SHLD2: variants seen among roughly 807,000 people sequenced by gnomAD.
The protein encoded by SHLD2 is shieldin complex subunit 2.
In SHLD2, 30 loss-of-function variants were observed where a neutral mutation model predicts 73.2. The observed-to-expected ratio is 0.41, with a 90% CI of 0.31 to 0.56. SHLD2 has a LOEUF of 0.56. SHLD2 is among the 20% of genes least tolerant of loss of function. SHLD2 has a pLI of 0.28. For missense variants in SHLD2, 745 were observed against 1,055.9 expected (o/e 0.71, Z 4.08); for synonymous variants, 285 against 370.1 (o/e 0.77, Z 2.64).
At chr10:87,120,903 A>C (rs1211007348) in intron 2 of SHLD2, among the ~76,000 whole-genome samples, 1 of 151,884 alleles carries the variant, frequency 6.6e-6, no homozygotes, top group Non-Finnish European at 1.5e-5. Context: ...ATACAAAATT[A>C]GCTGGGTGTG....
At chr10:87,175,104 G>A (rs1276336524) in intron 6 of SHLD2, among the ~76,000 whole-genome samples, 9 of 129,570 alleles carry the variant, frequency 6.9e-5, no homozygotes, top group South Asian at 5.4e-4. Context: ...GCAACAGAGC[G>A]AGACTCCATC....
chr10:87,096,879 C>T (rs1006630889), intron 1 of SHLD2, 55 bp from the exon 2 acceptor site: 9 of 152,112 alleles, frequency 5.9e-5, no homozygotes, highest in Non-Finnish European at 1.2e-4. Flanking sequence ...TTATATTTTA[C>T]CTTACTTGCT....
Position 87,151,481 on chromosome 10 carries a change from T to C in SHLD2, c.127T>C (p.Tyr43His). 2.5e-6 allele frequency: 4 copies of C among 1,611,032 alleles called. No individual in the cohort carries two copies. The highest frequency in any genetic ancestry group is 2.2e-5 in the South Asian group (2 of 90,800). ...CCCCTGGAAAAAAATTCAGCTTTTA[T>C]ACAGTCAACATTCTTTATATCTGAA... ...ADPWKKIQLL[Y>H]SQHSLYLKDE... Residue 43 changes from tyrosine (Y) to histidine (H), a missense_variant, in exon 3 of 10, where the codon TAC becomes CAC. Tyr to His is a moderately conservative substitution (Grantham distance 83). Transcript: ENST00000298786.
At chr10:87,179,604 TGTTAGCCAG>T (rs1443124220) in intron 7 of SHLD2, among the ~76,000 whole-genome samples, 1 of 152,194 alleles carries the variant, frequency 6.6e-6, no homozygotes, top group Non-Finnish European at 1.5e-5. Flanking sequence ...GGTTTCACCA[TGTTAGCCAG>T]GATGGTCTCG....
chr10:87,148,111 G>A (rs1222471248), intron 2 of SHLD2, among the ~76,000 whole-genome samples: 1 of 152,082 alleles, frequency 6.6e-6, no homozygotes, highest in South Asian at 2.1e-4. Context: ...TCAGCCTCCC[G>A]AAGTTCTGGG....
intron 2 of SHLD2, among the ~76,000 whole-genome samples, chr10:87,097,722 A>G (rs1157080048): frequency 6.6e-6 from 1 of 152,124 alleles, no homozygotes; most frequent in Non-Finnish European, 1.5e-5. Flanking sequence ...TGAGTACCCT[A>G]TAAAACAGAT....
Position 87,152,614 on chromosome 10 carries a change from G to T in SHLD2, c.1260G>T (p.Val420=). The T allele has an allele frequency of 6.2e-7, 1 of 1,608,092 alleles. No homozygotes were observed. Among genetic ancestry groups the T allele is most frequent in the Non-Finnish European group, 8.5e-7 (1 of 1,178,958 alleles). ...CTGTAGAAATGGATCGGAGAAATGT[G>T]TCTGAATTTAAGAGTATTAAAAAAA... is the stretch of plus-strand genomic sequence containing the variant. The part of the protein sequence containing the change: ...DSAVEMDRRN[V]SEFKSIKKTS... Residue 420 remains valine, a synonymous_variant, in exon 3 of 10, where the codon GTG becomes GTT. Transcript: ENST00000298786.
At chr10:87,139,729 G>A (rs1013952959) in intron 2 of SHLD2, among the ~76,000 whole-genome samples, 9 of 152,136 alleles carry the variant, frequency 5.9e-5, no homozygotes, top group Non-Finnish European at 1.3e-4. Context: ...GGAGGCTGAG[G>A]CACGAGAATT....
At chr10:87,115,586 G>C (rs1430979112) in intron 2 of SHLD2, 1 of 151,948 alleles carries the variant, frequency 6.6e-6, no homozygotes, top group East Asian at 1.9e-4. Context: ...GGTTGTCATG[G>C]GTTAAAACGT....
intron 2 of SHLD2, among the ~76,000 whole-genome samples, chr10:87,144,715 C>T (rs1279521706): frequency 2.0e-5 from 3 of 147,386 alleles, no homozygotes; most frequent in Non-Finnish European, 3.0e-5. Flanking sequence ...CAAGCTCCGC[C>T]TCCCTGGTTC....
intron 2 of SHLD2, among the ~76,000 whole-genome samples, chr10:87,105,524 C>T (rs770336332): frequency 1.3e-5 from 2 of 152,164 alleles, no homozygotes; most frequent in South Asian, 2.1e-4. Flanking sequence ...CCTTGACCCT[C>T]GAGTAGCAAT....
chr10:87,183,619 A>G (rs1441441904), intron 8 of SHLD2, among the ~76,000 whole-genome samples: 1 of 152,170 alleles, frequency 6.6e-6, no homozygotes. Context: ...AGTTTTAAAT[A>G]TACTCTCTCT....
chr10:87,107,394 A>T (rs904969555), intron 2 of SHLD2, among the ~76,000 whole-genome samples: 1 of 152,166 alleles, frequency 6.6e-6, no homozygotes, highest in Non-Finnish European at 1.5e-5. Context: ...AGCCTGGGCA[A>T]CAAGAGGGAA....
intron 8 of SHLD2, among the ~76,000 whole-genome samples, chr10:87,186,736 A>C (rs1269824514): frequency 6.6e-5 from 10 of 152,212 alleles, no homozygotes; most frequent in Non-Finnish European, 1.2e-4. Flanking sequence ...GAAAGAATTC[A>C]GTTGAAAAAA....
At chr10:87,101,220 A>T (rs1842244908) in intron 2 of SHLD2, among the ~76,000 whole-genome samples, 1 of 152,238 alleles carries the variant, frequency 6.6e-6, no homozygotes, top group South Asian at 2.1e-4. Context: ...TCAAGTATAG[A>T]ATTCAAGAGA....
chr10:87,108,927 A>T (rs1375270071), intron 2 of SHLD2, among the ~76,000 whole-genome samples: 2 of 152,034 alleles, frequency 1.3e-5, no homozygotes, highest in African/African-American at 4.8e-5. Flanking sequence ...ATTGCAAATG[A>T]CTGGCTTGGT....
intron 2 of SHLD2, among the ~76,000 whole-genome samples, chr10:87,126,697 A>G (rs2134118929): frequency 1.3e-5 from 2 of 152,248 alleles, no homozygotes; most frequent in East Asian, 3.9e-4. Flanking sequence ...TATGATTTCT[A>G]GGAGGAATGA....
intron 4 of SHLD2, among the ~76,000 whole-genome samples, chr10:87,166,714 A>G (rs1847226636): frequency 6.6e-6 from 1 of 152,184 alleles, no homozygotes; most frequent in Non-Finnish European, 1.5e-5. Flanking sequence ...ATTTGATAAG[A>G]TTATATGATA....
At chr10:87,169,865 C>CTT (rs1291413122) in intron 4 of SHLD2, among the ~76,000 whole-genome samples, 21 of 152,208 alleles carry the variant, frequency 1.4e-4, no homozygotes, top group Admixed American at 6.5e-4. Context: ...CAATGTAGCA[C>CTT]GTGCTCAAAA....
Sources: allele counts gnomAD v4.1 joint callset (sites outside exome capture counted in the v4.1 genomes callset), GRCh38; gene constraint gnomAD v4.1.1; transcripts MANE v1.5; gene names NCBI Gene and HGNC (gene_info 2026-07-23, HGNC 2026-07-21).